The following TNFAIP2 variants were observed in gnomAD, a reference collection of about 807,000 sequenced individuals.
TNFAIP2 encodes the protein TNF alpha induced protein 2, also known as tumor necrosis factor alpha-induced protein 2.
In TNFAIP2, 47 loss-of-function variants were observed where a neutral mutation model predicts 63.5. That is an observed-to-expected ratio of 0.74 (90% confidence interval 0.59 to 0.94). The LOEUF (loss-of-function observed/expected upper bound fraction) is 0.94, where lower values mean the gene tolerates loss of function less well. Among genes scored for constraint, TNFAIP2 ranks in the 40% least tolerant of loss-of-function variants. The pLI is 0.00. For synonymous variants in TNFAIP2, 405 were observed against 390.2 expected (o/e 1.04, Z -0.45); for missense variants, 787 against 850.2 (o/e 0.93, Z 0.92).
intron 6 of TNFAIP2, 71 bp from the exon 7 acceptor site, chr14:103,130,972 TGGCAGGGAG>T (rs1291788125): frequency 1.4e-6 from 2 of 1,451,186 alleles, no homozygotes; most frequent in Non-Finnish European, 1.9e-6. Context: ...CCCCAGGAGC[TGGCAGGGAG>T]GGCAGGGAGG....
chr14:103,127,137 G>T lies in TNFAIP2; in HGVS notation c.368G>T (p.Ser123Ile). 1 of 1,103,444 alleles carries T rather than the reference G, an allele frequency of 9.1e-7. No homozygotes were observed. 68.4% of individuals were successfully genotyped at this position (1,103,444 alleles called of 1,614,324 possible). Residue 123 changes from serine (S) to isoleucine (I), a missense_variant, in exon 3 of 12, where the codon AGC (serine) becomes ATC (isoleucine). Transcript: ENST00000560869. The surrounding 1 kb of genome is among the most constrained non-coding windows in gnomAD (Gnocchi z 5.1). ...GAGGAGGAGCTGGTGCGGCGCCAGA[G>T]CAAGGTGGAGGCGCTGTACGAGCTG... The part of the protein sequence containing the change: ...VSEEELVRRQ[S>I]KVEALYELLR...
At position 103,126,350 on chromosome 14, in the gene TNFAIP2, A is replaced by G; in HGVS notation, c.-108A>G. On this transcript the variant is annotated 5_prime_UTR_variant, in exon 2 of 12. Coordinates refer to ENST00000560869, the MANE Select transcript of TNFAIP2 (RefSeq NM_006291.4). ...AACCAGGGTGATGCTGAAGATGATG[A>G]CCTTCTTCCAAGGCCTCTAGAGCCA... 1 of 745,262 alleles carries G rather than the reference A, an allele frequency of 1.3e-6. No homozygotes were observed. The allele number at this position is 745,262 out of a possible 1,614,324, so 46.2% of individuals were successfully genotyped here. A position where few individuals can be genotyped will look rare whatever the true frequency, so the allele number is the denominator to read the frequency against.
Position 103,126,553 on chromosome 14 carries a change from G to T in TNFAIP2, c.96G>T (p.Glu32Asp). 2 of 1,556,460 alleles carry T rather than the reference G, an allele frequency of 1.3e-6. No individual in the cohort carries two copies. The highest frequency in any genetic ancestry group is 8.7e-7 in the Non-Finnish European group (1 of 1,151,952). The change falls in exon 2 of 12, where the codon GAG becomes GAT. Residue 32 changes from glutamate to aspartate, a missense_variant. This residue lies in a region of TNFAIP2 where 258 missense variants were observed against 228.9 expected (regional missense o/e 1.13). Transcript: ENST00000560869. ...AAGAGGCGGCGAAGAAGAAGAAGGA[G>T]AAGAAGAAGAAGTCCAAAGGCCTGG... Reference protein sequence around the residue: ...EEEEAAKKKKEKKKKSKGLAN... With the variant: ...EEEEAAKKKKDKKKKSKGLAN...
intron 1 of TNFAIP2, among the ~76,000 whole-genome samples, chr14:103,125,566 G>C (rs2087835675): frequency 6.6e-6 from 1 of 152,224 alleles, no homozygotes; most frequent in African/African-American, 2.4e-5. Flanking sequence ...GATCCCATTT[G>C]GGAGGGGGTG....
intron 6 of TNFAIP2, among the ~76,000 whole-genome samples, chr14:103,130,707 C>T (rs985604120): frequency 9.9e-5 from 15 of 152,182 alleles, no homozygotes; most frequent in African/African-American, 3.4e-4. Context: ...GACCCCGCCA[C>T]CCCTTCATAC....
At position 103,123,697 on chromosome 14, in the gene TNFAIP2, C is replaced by G. The variant is rs28664735; in HGVS notation, c.-403C>G. ...GAGGGGCCAAGGCTGGCTGAGGGCCCGGGCCTGCCAGAGGCAGGGAGGGCG... is the reference window on the plus strand; with the variant it reads ...GAGGGGCCAAGGCTGGCTGAGGGCCGGGGCCTGCCAGAGGCAGGGAGGGCG... On this transcript the variant is annotated 5_prime_UTR_variant, in exon 1 of 12. Transcript: ENST00000560869. The G allele has an allele frequency of 0.027, 4,047 of 152,298 alleles. 166 individuals carry two copies. Among genetic ancestry groups the G allele is most frequent in the African/African-American group, 0.094 (3,890 of 41,512 alleles). The allele number at this position is 152,298 out of a possible 1,614,324, so 9.4% of individuals were successfully genotyped here.
chr14:103,125,308 A>AG (rs2087829889), intron 1 of TNFAIP2, among the ~76,000 whole-genome samples: 1 of 152,166 alleles, frequency 6.6e-6, no homozygotes, highest in Non-Finnish European at 1.5e-5. Flanking sequence ...GACAATGGTC[A>AG]GGTGCTGGGC....
rs781747096 is a variant in TNFAIP2 at position 103,126,638 on chromosome 14, G to A, written c.181G>A (p.Glu61Lys). 2 of 1,555,038 alleles carry A rather than the reference G, an allele frequency of 1.3e-6. No individual in the cohort carries two copies. The highest frequency in any genetic ancestry group is 1.7e-6 in the Non-Finnish European group (2 of 1,149,088). ...GAAGAAGGGTCAGCCCAGCTCAGCG[G>A]AGCCCGAGGACGCAGCCGGGTCCAG... The part of the protein sequence containing the change: ...KKKKGQPSSA[E>K]PEDAAGSRQG... The change falls in exon 2 of 12, where the codon GAG (glutamate) becomes AAG (lysine). Residue 61 changes from glutamate (E) to lysine (K), a missense_variant. Physicochemically the swap from Glu to Lys is moderately conservative, Grantham distance 56. Transcript: ENST00000560869.
chr14:103,127,852 G>A lies in TNFAIP2; in HGVS notation c.860+223G>A, dbSNP rs1248151351. Among the ~76,000 whole-genome samples, 2 of 152,332 alleles carry A rather than the reference G, an allele frequency of 1.3e-5. No individual in the cohort carries two copies. Among genetic ancestry groups the A allele is most frequent in the South Asian group, 2.1e-4 (1 of 4,834 alleles). On this transcript the variant is annotated intron_variant, in intron 3 of 11. Transcript: ENST00000560869. This position sits in a 1 kb window ranked among gnomAD's most constrained non-coding sequence, Gnocchi z 5.1. ...GGGATAAGGCTGGGGCTGGGTCTGC[G>A]TTGCTCTTGGAATCCTTAATTTCCT...
chr14:103,133,348 G>T lies in TNFAIP2; in HGVS notation c.1546-14G>T. On this transcript the variant is annotated splice_polypyrimidine_tract_variant and intron_variant, in intron 9 of 11. Coordinates refer to ENST00000560869, the MANE Select transcript of TNFAIP2 (RefSeq NM_006291.4). ...GCAGACAGCTCACACGCCCCTGGCTGCTTGCCCTCCCAGGAGCTCATGGAG... is the reference window on the plus strand; with the variant it reads ...GCAGACAGCTCACACGCCCCTGGCTTCTTGCCCTCCCAGGAGCTCATGGAG... The T allele has an allele frequency of 6.2e-7, 1 of 1,611,722 alleles. No individual in the cohort carries two copies. Among genetic ancestry groups the T allele is most frequent in the African/African-American group, 1.3e-5 (1 of 75,034 alleles).
At chr14:103,133,860 A>C in intron 11 of TNFAIP2, 57 bp downstream of exon 11, 1 of 1,531,702 alleles carries the variant, frequency 6.5e-7, no homozygotes, top group Non-Finnish European at 8.7e-7. Flanking sequence ...AAGGCCTCAC[A>C]GGGCTGGCAT....
chr14:103,133,521 A>C lies in TNFAIP2; in HGVS notation c.1701+4A>C. The C allele has an allele frequency of 6.2e-7, 1 of 1,613,024 alleles. No homozygotes were observed. The highest frequency in any genetic ancestry group is 8.5e-7 in the Non-Finnish European group (1 of 1,179,390). On this transcript the variant is annotated splice_donor_region_variant and intron_variant, in intron 10 of 11. Transcript: ENST00000560869. ...CCAGCACTTCTGCACCCAGCACGTAAGCCGCTGCCCACCTCTCCCAAGCCC... is the reference window on the plus strand; with the variant it reads ...CCAGCACTTCTGCACCCAGCACGTACGCCGCTGCCCACCTCTCCCAAGCCC...
rs1035525462 is a variant in TNFAIP2, at chr14:103,137,243, C to T, written c.*1883C>T. Reference sequence around the variant, plus strand: ...GGCTCTCTTGGGTCCGTCCCCTTTTCCCAGGTACTGCCTTACAAAGCTGTG... The same window carrying T: ...GGCTCTCTTGGGTCCGTCCCCTTTTTCCAGGTACTGCCTTACAAAGCTGTG... On this transcript the variant is annotated 3_prime_UTR_variant, in exon 12 of 12. Coordinates refer to ENST00000560869, the MANE Select transcript of TNFAIP2 (RefSeq NM_006291.4). 1 of 152,320 alleles carries T rather than the reference C, an allele frequency of 6.6e-6. No homozygotes were observed. Among genetic ancestry groups the T allele is most frequent in the Non-Finnish European group, 1.5e-5 (1 of 68,114 alleles). 9.4% of individuals were successfully genotyped at this position (152,320 alleles called of 1,614,324 possible). A position where few individuals can be genotyped will look rare whatever the true frequency, so the allele number is the denominator to read the frequency against.
In TNFAIP2 at chr14:103,135,084, A is replaced by T; in HGVS notation, c.1824-135A>T. On this transcript the variant is annotated intron_variant, in intron 11 of 11. Coordinates refer to ENST00000560869, the MANE Select transcript of TNFAIP2 (RefSeq NM_006291.4). This position sits in a 1 kb window ranked among gnomAD's most constrained non-coding sequence, Gnocchi z 7.6. ...GACCATCAGGTGGAGGGCATGGGTG[A>T]GGGAGAGTGAAGTGCAGCCCCCTCG... The T allele has an allele frequency of 9.4e-7, 1 of 1,067,318 alleles. No individual in the cohort carries two copies. The highest frequency in any genetic ancestry group is 1.4e-6 in the Non-Finnish European group (1 of 713,258). 66.1% of individuals were successfully genotyped at this position (1,067,318 alleles called of 1,614,324 possible).
chr14:103,124,675 C>T (rs906598372), intron 1 of TNFAIP2, among the ~76,000 whole-genome samples: 6 of 152,208 alleles, frequency 3.9e-5, no homozygotes, highest in Admixed American at 2.0e-4. Context: ...CCAGCTCCCG[C>T]GGGTGCTAGG....
Position 103,126,656 on chromosome 14 carries a change from G to C in TNFAIP2, c.199G>C (p.Gly67Arg), listed in dbSNP as rs1007815002. ...CTCAGCGGAGCCCGAGGACGCAGCC[G>C]GGTCCAGGCAGGGGCTGGATGGCCC... ...PSSAEPEDAA[G>R]SRQGLDGPPP... is the part of the protein sequence containing the mutation. Residue 67 changes from glycine (G) to arginine (R), a missense_variant, in exon 2 of 12, where the codon GGG becomes CGG. Physicochemically the swap from Gly to Arg is moderately radical, Grantham distance 125. Transcript: ENST00000560869. 1 of 1,556,308 alleles carries C rather than the reference G, an allele frequency of 6.4e-7. No homozygotes were observed. Among genetic ancestry groups the C allele is most frequent in the African/African-American group, 1.4e-5 (1 of 73,958 alleles).
rs1450469585 is a variant in TNFAIP2, at chr14:103,131,305, C to T, written c.1298+155C>T. On this transcript the variant is annotated intron_variant, in intron 7 of 11. Transcript: ENST00000560869. The surrounding 1 kb of genome is among the most constrained non-coding windows in gnomAD (Gnocchi z 4.0). ...ACTCCACGGCCTGCAGCAGCAGCAG[C>T]AAACATTTCCCAAGTGCTGGCTGGG... Among the ~76,000 whole-genome samples the T allele has an allele frequency of 6.6e-6, 1 of 152,188 alleles. No individual in the cohort carries two copies. The highest frequency in any genetic ancestry group is 1.5e-5 in the Non-Finnish European group (1 of 68,034).
chr14:103,130,230 CCT>C, intron 5 of TNFAIP2, 83 bp from the exon 6 acceptor site: 1 of 1,528,768 alleles, frequency 6.5e-7, no homozygotes, highest in South Asian at 1.2e-5. Flanking sequence ...CGGGGCACCC[CCT>C]CTGTTCCCGC....
chr14:103,122,912 G>A (rs1302860009), upstream of TNFAIP2: 1 of 444,238 alleles, frequency 2.3e-6, no homozygotes, highest in Admixed American at 2.4e-5. Flanking sequence ...GGGGCTCAAG[G>A]CCCTGTGCAC....
Sources: gnomAD v4.1 joint callset for allele counts (sites outside exome capture counted in the v4.1 genomes callset) on GRCh38, gnomAD v4.1.1 for gene constraint, gnomAD v4.1.1 regional missense constraint, Gnocchi (gnomAD v3.1) non-coding constraint, MANE v1.5 for transcripts, NCBI Gene and HGNC (gene_info 2026-07-23, HGNC 2026-07-21) for gene names.